Variants in GXYLT1 observed in about 807,000 individuals in gnomAD.
GXYLT1 encodes the protein glucoside xylosyltransferase 1.
A neutral mutation model predicts 54.0 loss-of-function variants in GXYLT1; 29 were observed. The ratio of observed to expected loss-of-function variants is 0.54; its 90% CI spans 0.40 to 0.73. The LOEUF is 0.73. GXYLT1 is among the 30% of genes least tolerant of loss of function. GXYLT1 has a pLI of 0.00. For synonymous variants in GXYLT1, 176 were observed against 204.1 expected, an observed-to-expected ratio of 0.86 and a Z score of 1.17; for missense variants, 490 against 553.4, an observed-to-expected ratio of 0.89 and a Z score of 1.15.
chr12:42,116,747 A>G (rs1391351046), intron 3 of GXYLT1, among the ~76,000 whole-genome samples: 1 of 152,232 alleles, frequency 6.6e-6, no homozygotes, highest in Non-Finnish European at 1.5e-5. Context: ...AGAACTAGAA[A>G]TACCATTTGA....
chr12:42,123,077 T>C (rs892192048), intron 2 of GXYLT1, among the ~76,000 whole-genome samples: 1 of 151,960 alleles, frequency 6.6e-6, no homozygotes, highest in African/African-American at 2.4e-5. Context: ...ACAGCACCCC[T>C]TTTCACCCCA....
intron 4 of GXYLT1, among the ~76,000 whole-genome samples, chr12:42,107,438 C>T (rs112209534): frequency 0.029 from 4,475 of 152,302 alleles, 194 homozygotes; most frequent in East Asian, 0.1. Flanking sequence ...CGCCTGTAAT[C>T]CTAGCACTTT....
At chr12:42,104,897 G>T (rs920915823) in intron 5 of GXYLT1, among the ~76,000 whole-genome samples, 1 of 151,974 alleles carries the variant, frequency 6.6e-6, no homozygotes, top group Non-Finnish European at 1.5e-5. Context: ...ACTCCTAGAG[G>T]GTATAGTGTT....
chr12:42,124,355 T>C (rs2065548419), intron 2 of GXYLT1, among the ~76,000 whole-genome samples: 1 of 151,970 alleles, frequency 6.6e-6, no homozygotes, highest in Non-Finnish European at 1.5e-5. Context: ...AATTCTAAAA[T>C]TTAGAGTTTG....
chr12:42,138,592 C>T (rs1436902520), intron 1 of GXYLT1, among the ~76,000 whole-genome samples: 1 of 152,004 alleles, frequency 6.6e-6, no homozygotes, highest in Non-Finnish European at 1.5e-5. Context: ...AAGGTAAACA[C>T]GATAAAGTAA....
intron 7 of GXYLT1, among the ~76,000 whole-genome samples, chr12:42,091,338 G>A (rs547238471): frequency 5.7e-4 from 86 of 151,864 alleles, no homozygotes; most frequent in African/African-American, 1.6e-3. Context: ...ACTATTACTC[G>A]TATTTTTAAA....
intron 3 of GXYLT1, among the ~76,000 whole-genome samples, chr12:42,117,469 G>GA (rs2065503725): frequency 6.6e-6 from 1 of 150,776 alleles, no homozygotes; most frequent in Admixed American, 6.6e-5. Flanking sequence ...GCAGAAAACT[G>GA]AAAGATCTGA....
chr12:42,139,612 G>T (rs533178861), intron 1 of GXYLT1, among the ~76,000 whole-genome samples: 2 of 152,140 alleles, frequency 1.3e-5, no homozygotes, highest in African/African-American at 4.8e-5. Context: ...CTAGTCTCCA[G>T]AACTGTAAGA....
At chr12:42,120,383 T>C (rs920621511) in intron 2 of GXYLT1, among the ~76,000 whole-genome samples, 1 of 152,236 alleles carries the variant, frequency 6.6e-6, no homozygotes, top group Non-Finnish European at 1.5e-5. Context: ...TAAAACATGC[T>C]AGTCAAACAC....
In GXYLT1 at chr12:42,109,630, C is replaced by T. The variant is rs2065440472; in HGVS notation, c.548G>A (p.Ser183Asn). 11 of 1,594,832 alleles carry T rather than the reference C, an allele frequency of 6.9e-6. No homozygotes were observed. The highest frequency in any genetic ancestry group is 8.5e-6 in the Non-Finnish European group (10 of 1,169,844). ...NYTLYPITFPSENAAEWKKLF... is the reference protein window; with the variant it reads ...NYTLYPITFPNENAAEWKKLF... Reference sequence around the variant, plus strand: ...TTTTTTCCACTCTGCTGCATTCTCACTTGGAAAGGTTATGGGGTATAACGT... The same window carrying T: ...TTTTTTCCACTCTGCTGCATTCTCATTTGGAAAGGTTATGGGGTATAACGT... The change falls in exon 4 of 8, where the codon AGT (serine) becomes AAT (asparagine). Residue 183 changes from serine (S) to asparagine (N), a missense_variant. Transcript: ENST00000398675.
intron 2 of GXYLT1, among the ~76,000 whole-genome samples, chr12:42,123,617 C>T (rs926331379): frequency 2.0e-5 from 3 of 151,982 alleles, no homozygotes; most frequent in African/African-American, 7.2e-5. Flanking sequence ...ATAAAGGAAT[C>T]ATAATAACTT....
intron 3 of GXYLT1, among the ~76,000 whole-genome samples, chr12:42,113,833 T>C (rs1184224916): frequency 6.6e-6 from 1 of 151,126 alleles, no homozygotes; most frequent in Non-Finnish European, 1.5e-5. Flanking sequence ...TACATTCTTT[T>C]CAGCACCACA....
intron 7 of GXYLT1, among the ~76,000 whole-genome samples, chr12:42,088,685 A>G (rs1191333402): frequency 1.3e-5 from 2 of 152,112 alleles, no homozygotes; most frequent in Non-Finnish European, 2.9e-5. Flanking sequence ...TAATCTTTGT[A>G]TTTTCAACCA....
Position 42,105,920 on chromosome 12 carries a change from T to C in GXYLT1, c.762A>G (p.Gly254=), listed in dbSNP as rs562488054. ...MAPEHEEPRI[G]WYNRFARHPY... ...GATGCCTAGCAAAGCGATTATACCA[T>C]CCTATTCGAGGTTCCTCATGTTCTG... Residue 254 remains glycine (G), a synonymous_variant, in exon 5 of 8, where the codon GGA becomes GGG. Coordinates refer to ENST00000398675, the MANE Select transcript of GXYLT1 (RefSeq NM_173601.2). 132 of 1,614,096 alleles carry C rather than the reference T, an allele frequency of 8.2e-5. 2 individuals are homozygous for C. The South Asian group carries it at 1.3e-3, about 16-fold the overall frequency.
At chr12:42,095,507 C>T (rs2065350608) in intron 7 of GXYLT1, among the ~76,000 whole-genome samples, 1 of 151,550 alleles carries the variant, frequency 6.6e-6, no homozygotes, top group Non-Finnish European at 1.5e-5. Context: ...AAGATATACA[C>T]TAAGCTACCT....
At chr12:42,096,522 T>C (rs1387013289) in intron 7 of GXYLT1, among the ~76,000 whole-genome samples, 1 of 152,188 alleles carries the variant, frequency 6.6e-6, no homozygotes, top group Non-Finnish European at 1.5e-5. Context: ...AAAGGGTTCA[T>C]ACTGATTATA....
chr12:42,117,773 T>TTTG (rs202184748), intron 3 of GXYLT1, among the ~76,000 whole-genome samples: 13 of 152,262 alleles, frequency 8.5e-5, no homozygotes, highest in East Asian at 1.9e-4. Flanking sequence ...ACAATAATAT[T>TTTG]TTGTTGTTGT....
intron 5 of GXYLT1, among the ~76,000 whole-genome samples, chr12:42,101,472 T>C (rs896566534): frequency 7.2e-5 from 11 of 152,164 alleles, no homozygotes; most frequent in Admixed American, 4.6e-4. Flanking sequence ...TGTAATGACA[T>C]AGAAGTCAGT....
intron 3 of GXYLT1, among the ~76,000 whole-genome samples, chr12:42,110,727 A>C (rs2065448416): frequency 6.6e-6 from 1 of 152,152 alleles, no homozygotes; most frequent in Admixed American, 6.5e-5. Flanking sequence ...TCTACTAATT[A>C]TTGTAAAATA....
Sources: gnomAD v4.1 joint callset for allele counts (sites outside exome capture counted in the v4.1 genomes callset) on GRCh38, gnomAD v4.1.1 for gene constraint, MANE v1.5 for transcripts, NCBI Gene and HGNC (gene_info 2026-07-23, HGNC 2026-07-21) for gene names.